DDI1: variants seen among roughly 807,000 people sequenced by gnomAD.
The protein encoded by DDI1 is protein DDI1 homolog 1.
DDI1 carries 6 observed loss-of-function variants against 7.2 expected under a neutral mutation model. The ratio of observed to expected loss-of-function variants is 0.83; its 90% CI spans 0.46 to 1.64. DDI1 has a LOEUF of 1.64. Ranked by LOEUF, DDI1 falls within the 40% of genes most tolerant of loss-of-function variation. The pLI, the probability that DDI1 is intolerant of heterozygous loss-of-function variation, is 0.01. For synonymous variants in DDI1, 221 were observed against 201.7 expected, an observed-to-expected ratio of 1.10 and a Z score of -0.81; for missense variants, 502 against 516.6, an observed-to-expected ratio of 0.97 and a Z score of 0.27.
Position 104,038,255 on chromosome 11 carries a change from G to A in DDI1, c.*242G>A, listed in dbSNP as rs75649301. Reference sequence around the variant, plus strand: ...TGGGAAGGCTCTGGAGGCTCCAGCTGATTTCCAGATAATCCATGAAAAAGA... The same window carrying A: ...TGGGAAGGCTCTGGAGGCTCCAGCTAATTTCCAGATAATCCATGAAAAAGA... On this transcript the variant is annotated 3_prime_UTR_variant, in exon 1 of 1. Transcript: ENST00000302259. The A allele has an allele frequency of 2.8e-3, 1,290 of 461,370 alleles. 19 individuals carry two copies. The highest frequency in any genetic ancestry group is 0.023 in the African/African-American group (1,181 of 51,704). 28.6% of individuals were successfully genotyped at this position (461,370 alleles called of 1,614,324 possible).
Position 104,038,138 on chromosome 11 carries a change from A to G in DDI1, c.*125A>G. On this transcript the variant is annotated 3_prime_UTR_variant, in exon 1 of 1. Transcript: ENST00000302259. Reference sequence around the variant, plus strand: ...AACAACTAAACCTGGCCTTGGGACTACGTTCTCAGATGGGTAACTAACGTC... The same window carrying G: ...AACAACTAAACCTGGCCTTGGGACTGCGTTCTCAGATGGGTAACTAACGTC... 1.1e-6 allele frequency: 1 copy of G among 945,954 alleles called. No homozygotes were observed. Among genetic ancestry groups the G allele is most frequent in the African/African-American group, 1.6e-5 (1 of 60,656 alleles). The allele number at this position is 945,954 out of a possible 1,614,324, so 58.6% of individuals were successfully genotyped here.
rs1162109605 is a variant in DDI1 at position 104,037,769 on chromosome 11, G to T, written c.947G>T (p.Cys316Phe). 1 of 1,614,094 alleles carries T rather than the reference G, an allele frequency of 6.2e-7. No individual in the cohort carries two copies. The highest frequency in any genetic ancestry group is 1.7e-5 in the Admixed American group (1 of 60,012). The change falls in exon 1 of 1, where the codon TGC becomes TTC. Residue 316 changes from cysteine to phenylalanine, a missense_variant. Cys to Phe is a radical substitution (Grantham distance 205, BLOSUM62 -2). Coordinates refer to ENST00000302259, the MANE Select transcript of DDI1 (RefSeq NM_001001711.3). ...CAAATTGAAGGTGATTTCTTACAGT[G>T]CTCTTTCTCCATACTTGAGGATCAA... ...QIQIEGDFLQ[C>F]SFSILEDQPM... is the part of the protein sequence containing the mutation.
rs1261002038 is a variant in DDI1 at position 104,036,819 on chromosome 11, C to T, written c.-4C>T. 1 of 1,611,122 alleles carries T rather than the reference C, an allele frequency of 6.2e-7. No homozygotes were observed. Among genetic ancestry groups the T allele is most frequent in the Non-Finnish European group, 8.5e-7 (1 of 1,178,182 alleles). ...TGCTAGCCCGGCCCGCCCGGGCCCC[C>T]GCCATGCTGATCACCGTGTACTGCG... is the stretch of plus-strand genomic sequence containing the variant. On this transcript the variant is annotated 5_prime_UTR_variant, in exon 1 of 1. Transcript: ENST00000302259.
At position 104,036,946 on chromosome 11, in the gene DDI1, G is replaced by A. The variant is rs147776291; in HGVS notation, c.124G>A (p.Val42Ile). 1.3e-4 allele frequency: 214 copies of A among 1,614,210 alleles called. No individual in the cohort carries two copies. The African/African-American group carries it at 1.5e-3, about 11-fold the overall frequency. ...CTGCGAAGCGGAGTCCAGAGTCCCC[G>A]TCGAAGAGATCCAGATCATCCACAT... Reference protein sequence around the residue: ...VLCEAESRVPVEEIQIIHMER... With the variant: ...VLCEAESRVPIEEIQIIHMER... Residue 42 changes from valine to isoleucine, a missense_variant, in exon 1 of 1, where the codon GTC becomes ATC. By Grantham distance (29) the Val-to-Ile change is conservative. Transcript: ENST00000302259.
Sources: allele counts gnomAD v4.1 joint callset, GRCh38; gene constraint gnomAD v4.1.1; transcripts MANE v1.5; gene names NCBI Gene and HGNC (gene_info 2026-07-23, HGNC 2026-07-21).